Variants in ACLY observed in about 807,000 individuals in gnomAD.
The protein encoded by ACLY is ATP-citrate synthase.
A neutral mutation model predicts 133.0 loss-of-function variants in ACLY; 41 were observed. That is an observed-to-expected ratio of 0.31 (90% CI 0.24 to 0.40). The LOEUF is 0.40. Among genes scored for constraint, ACLY ranks in the 10% least tolerant of loss-of-function variants. The pLI is 1.00. For synonymous variants in ACLY, 495 were observed against 549.3 expected (o/e 0.90, Z 1.38); for missense variants, 1,046 against 1,453.8 (o/e 0.72, Z 4.56).
rs183942395 is a variant in ACLY, at chr17:41,907,458, C to T, written c.731G>A (p.Arg244Gln). ...GDIEFPPPFG[R>Q]EAYPEEAYIA... ...CAGCCTTACCTCTGGATATGCCTCC[C>T]GCCCGAAGGGGGGAGGGAACTCGAT... The change falls in exon 7 of 29, where the codon CGG becomes CAG. Residue 244 changes from arginine (R) to glutamine (Q), a missense_variant. This residue lies in a region of ACLY where 575 missense variants were observed against 804.2 expected (regional missense o/e 0.71). Transcript: ENST00000352035. 8 of 1,613,956 alleles carry T rather than the reference C, an allele frequency of 5.0e-6. No individual in the cohort carries two copies. The highest frequency in any genetic ancestry group is 6.8e-6 in the Non-Finnish European group (8 of 1,179,938).
At chr17:41,918,252 G>A (rs1203355026) in intron 1 of ACLY, among the ~76,000 whole-genome samples, 6 of 152,244 alleles carry the variant, frequency 3.9e-5, no homozygotes, top group Admixed American at 3.3e-4. Context: ...CCTCCAGTGC[G>A]AGGAGGGTCC....
Position 41,893,092 on chromosome 17 carries a change from G to A in ACLY, c.1542C>T (p.Asp514=), listed in dbSNP as rs782462664. Residue 514 remains aspartate (D), a synonymous_variant, in exon 15 of 29, where the codon GAC becomes GAT. Coordinates refer to ENST00000352035, the MANE Select transcript of ACLY (RefSeq NM_001096.3). ...CGTCTCGGGAGCAGACATAGTCAAA[G>A]TCCAGCATGCCTTGCACGGCCCGGG... is the stretch of plus-strand genomic sequence containing the variant. ...MQTRAVQGML[D]FDYVCSRDEP... 6.2e-7 allele frequency: 1 copy of A among 1,614,184 alleles called. No homozygotes were observed. The highest frequency in any genetic ancestry group is 1.1e-5 in the South Asian group (1 of 91,082).
intron 15 of ACLY, 124 bp downstream of exon 15, chr17:41,892,909 G>C: frequency 1.6e-6 from 2 of 1,248,062 alleles, no homozygotes; most frequent in Non-Finnish European, 1.1e-6. Context: ...AAACTCCTGG[G>C]CTCAAGCAGT....
chr17:41,910,212 T>G lies in ACLY; in HGVS notation c.345+10A>C, dbSNP rs1467596173. 6.2e-7 allele frequency: 1 copy of G among 1,612,888 alleles called. No homozygotes were observed. Among genetic ancestry groups the G allele is most frequent in the Admixed American group, 1.7e-5 (1 of 59,848 alleles). Reference sequence around the variant, plus strand: ...GGAGAAGACCCAGCCTGGAGCCGCCTCACACATACCTGACTGTGGGGGACG... The same window carrying G: ...GGAGAAGACCCAGCCTGGAGCCGCCGCACACATACCTGACTGTGGGGGACG... On this transcript the variant is annotated intron_variant, in intron 4 of 28. Transcript: ENST00000352035.
intron 20 of ACLY, among the ~76,000 whole-genome samples, chr17:41,882,001 T>C (rs968029128): frequency 1.3e-5 from 2 of 151,150 alleles, no homozygotes; most frequent in Admixed American, 1.3e-4. Flanking sequence ...TCCACCTCCT[T>C]CTTTGCATGC....
At chr17:41,930,206 G>A (rs1224608291) in intron 1 of ACLY, among the ~76,000 whole-genome samples, 1 of 152,122 alleles carries the variant, frequency 6.6e-6, no homozygotes, top group Non-Finnish European at 1.5e-5. Context: ...TATTTATTTG[G>A]CAGGTGGAAC....
At chr17:41,896,802 T>C (rs1193734997) in intron 13 of ACLY, among the ~76,000 whole-genome samples, 153 bp from the exon 14 acceptor site, 12 of 151,596 alleles carry the variant, frequency 7.9e-5, no homozygotes, top group Non-Finnish European at 1.5e-4. Flanking sequence ...GACAACGGAG[T>C]AAGGCCAGCA....
intron 22 of ACLY, among the ~76,000 whole-genome samples, chr17:41,876,102 C>T (rs1458892815): frequency 1.3e-5 from 2 of 151,354 alleles, no homozygotes; most frequent in African/African-American, 4.9e-5. Context: ...GCCTGGCAAC[C>T]GCCCCGTCTG....
At position 41,910,234 on chromosome 17, in the gene ACLY, G is replaced by T; in HGVS notation, c.333C>A (p.Val111=). The T allele has an allele frequency of 3.1e-6, 5 of 1,613,752 alleles. 1 individual carries two copies. The highest frequency in any genetic ancestry group is 4.2e-6 in the Non-Finnish European group (5 of 1,179,860). ...FLKNFLIEPF[V]PHSQAEEFYV... ...GCCTCACACATACCTGACTGTGGGG[G>T]ACGAAGGGCTCGATCAGAAAGTTCT... The change falls in exon 4 of 29, where the codon GTC becomes GTA. Residue 111 remains valine (V), a synonymous_variant. Coordinates refer to ENST00000352035, the MANE Select transcript of ACLY (RefSeq NM_001096.3).
rs1331309053 is a variant in ACLY at position 41,909,691 on chromosome 17, ACTC to A, written c.352_354del (p.Glu118del). 1 of 1,612,874 alleles carries A rather than the reference ACTC, an allele frequency of 6.2e-7. No individual in the cohort carries two copies. Among genetic ancestry groups the A allele is most frequent in the African/African-American group, 1.3e-5 (1 of 74,580 alleles). On this transcript the variant is annotated inframe_deletion, in exon 5 of 29. Coordinates refer to ENST00000352035, the MANE Select transcript of ACLY (RefSeq NM_001096.3). ...CGGGTGGCATAGATGCAGACATAGA[ACTC>A]CTCAGCCTTGCAGGTGAAGAGACAG... is the stretch of plus-strand genomic sequence containing the variant.
chr17:41,907,699 T>C (rs1555632934), intron 6 of ACLY, 127 bp from the exon 7 acceptor site: 1 of 1,091,674 alleles, frequency 9.2e-7, no homozygotes, highest in Non-Finnish European at 1.3e-6. Context: ...CTAAGCTCAG[T>C]AAGAAACCAG....
intron 22 of ACLY, among the ~76,000 whole-genome samples, chr17:41,876,040 C>A (rs1465542190): frequency 6.6e-6 from 1 of 151,286 alleles, no homozygotes; most frequent in Non-Finnish European, 1.5e-5. Flanking sequence ...AGGTGAGGAG[C>A]GTCTCTGCCC....
chr17:41,905,348 G>T (rs1555632407), intron 9 of ACLY, among the ~76,000 whole-genome samples, 174 bp downstream of exon 9: 1 of 152,176 alleles, frequency 6.6e-6, no homozygotes, highest in African/African-American at 2.4e-5. Context: ...GATAGATGTG[G>T]TCCCTGCCCT....
At chr17:41,896,502 G>T in intron 14 of ACLY, 118 bp downstream of exon 14, 1 of 931,046 alleles carries the variant, frequency 1.1e-6, no homozygotes, top group Non-Finnish European at 1.6e-6. Context: ...GGCAGGGACA[G>T]AAAATAGACC....
intron 1 of ACLY, among the ~76,000 whole-genome samples, chr17:41,914,212 A>G (rs373315035): frequency 8.5e-5 from 13 of 152,172 alleles, no homozygotes; most frequent in African/African-American, 3.1e-4. Flanking sequence ...CCACAACCAC[A>G]CTCATCCTGG....
intron 2 of ACLY, 105 bp from the exon 3 acceptor site, chr17:41,912,647 T>G: frequency 7.1e-7 from 1 of 1,417,070 alleles, no homozygotes; most frequent in Non-Finnish European, 9.7e-7. Flanking sequence ...CCATTCACTC[T>G]GCTCCAAAGC....
chr17:41,879,039 C>T (rs1555626704), intron 20 of ACLY, 115 bp from the exon 21 acceptor site: 1 of 1,296,050 alleles, frequency 7.7e-7, no homozygotes, highest in Non-Finnish European at 1.1e-6. Context: ...CTCAAGCAAG[C>T]TCACTGAATA....
chr17:41,896,207 G>A (rs2049361125), intron 14 of ACLY, among the ~76,000 whole-genome samples: 1 of 152,114 alleles, frequency 6.6e-6, no homozygotes, highest in Non-Finnish European at 1.5e-5. Flanking sequence ...GGTGACTTGT[G>A]GCTCCCCTTC....
chr17:41,908,185 G>A (rs935737170), intron 6 of ACLY, among the ~76,000 whole-genome samples: 5 of 152,128 alleles, frequency 3.3e-5, no homozygotes, highest in Non-Finnish European at 7.4e-5. Flanking sequence ...TTGATTTCTC[G>A]CCTTCCTAGA....
Sources: gnomAD v4.1 joint callset for allele counts (sites outside exome capture counted in the v4.1 genomes callset) on GRCh38, gnomAD v4.1.1 for gene constraint, gnomAD v4.1.1 regional missense constraint, MANE v1.5 for transcripts, NCBI Gene and HGNC (gene_info 2026-07-23, HGNC 2026-07-21) for gene names.